The following VTI1A variants were observed in gnomAD, a reference collection of about 807,000 sequenced individuals.
VTI1A encodes vesicle transport through interaction with t-SNAREs homolog 1A.
VTI1A carries 22 observed loss-of-function variants against 34.9 expected under a neutral mutation model. The observed-to-expected ratio is 0.63, with a 90% CI of 0.45 to 0.90. The LOEUF (loss-of-function observed/expected upper bound fraction) is 0.90, where lower values mean the gene tolerates loss of function less well. Ranked by LOEUF, VTI1A falls within the 40% of genes least tolerant of loss-of-function variation. VTI1A has a pLI of 0.00. For missense variants in VTI1A, 268 were observed against 275.6 expected (o/e 0.97, Z 0.20); for synonymous variants, 87 against 97.3 (o/e 0.89, Z 0.62).
intron 5 of VTI1A, among the ~76,000 whole-genome samples, chr10:112,556,438 T>G (rs1479460190): frequency 6.6e-6 from 1 of 152,044 alleles, no homozygotes; most frequent in Non-Finnish European, 1.5e-5. Flanking sequence ...AGTATCAGTT[T>G]GGCCTTGTTA....
rs5787970 is a variant in VTI1A at position 112,705,928 on chromosome 10, G to GAA, written c.560+36939_560+36940dup. The stretch of plus-strand genomic sequence containing the variant: ...TTGGGCATGTCTACGATTGTCATTT[G>GAA]AAAAAAAAAATTCTTTTGTCGTTGT... On this transcript the variant is annotated intron_variant, in intron 7 of 7. Transcript: ENST00000393077. 7.3e-5 allele frequency among the ~76,000 whole-genome samples: 11 copies of GAA among 150,332 alleles called. No individual in the cohort carries two copies. The East Asian group carries it at 7.8e-4, about 11-fold the overall frequency.
rs1175362768 is a variant in VTI1A, at chr10:112,757,351, ATTTTTTTTTTTTTTTTTTT to A, written c.561-57925_561-57907del. ...CTTTCACCCTTTCTTTGTTGCTGTG[ATTTTTTTTTTTTTTTTTTT>A]TTTTTTTTTTTTTGGAGACATAGGC... is the stretch of plus-strand genomic sequence containing the variant. On this transcript the variant is annotated intron_variant, in intron 7 of 7. Coordinates refer to ENST00000393077, the MANE Select transcript of VTI1A (RefSeq NM_145206.4). 4.2e-4 allele frequency among the ~76,000 whole-genome samples: 17 copies of A among 40,696 alleles called. No individual in the cohort carries two copies. In the East Asian group the frequency reaches 0.012, roughly 28 times the overall value. The allele number at this position is 40,696 out of a possible 152,430, so 26.7% of individuals were successfully genotyped here.
chr10:112,589,814 A>G (rs1490540564), intron 5 of VTI1A, among the ~76,000 whole-genome samples: 1 of 152,196 alleles, frequency 6.6e-6, no homozygotes, highest in Non-Finnish European at 1.5e-5. Context: ...TGACATCAGA[A>G]TCTGAGTTCT....
At chr10:112,806,358 T>G (rs1395376420) in intron 7 of VTI1A, among the ~76,000 whole-genome samples, 1 of 152,120 alleles carries the variant, frequency 6.6e-6, no homozygotes, top group Non-Finnish European at 1.5e-5. Flanking sequence ...AGATCTTGGC[T>G]CACTGCAACT....
intron 7 of VTI1A, among the ~76,000 whole-genome samples, chr10:112,792,035 G>C (rs958198800): frequency 1.3e-5 from 2 of 152,164 alleles, no homozygotes; most frequent in Non-Finnish European, 2.9e-5. Context: ...CAGCACTTTG[G>C]AAGGCTGAGG....
intron 7 of VTI1A, among the ~76,000 whole-genome samples, chr10:112,682,911 C>G (rs927308500): frequency 6.6e-6 from 1 of 152,212 alleles, no homozygotes; most frequent in African/African-American, 2.4e-5. Flanking sequence ...CCTCAGATGG[C>G]TGGAGGGGGT....
At chr10:112,666,869 CTG>C (rs1417368746) in intron 5 of VTI1A, among the ~76,000 whole-genome samples, 1 of 152,050 alleles carries the variant, frequency 6.6e-6, no homozygotes, top group Non-Finnish European at 1.5e-5. Context: ...AATATTGTAA[CTG>C]AATTACCTTA....
chr10:112,783,560 A>T (rs1310002488), intron 7 of VTI1A, among the ~76,000 whole-genome samples: 1 of 152,234 alleles, frequency 6.6e-6, no homozygotes, highest in East Asian at 1.9e-4. Context: ...AAACAATAAA[A>T]ATTTATGCAT....
At chr10:112,764,941 T>G (rs1851596833) in intron 7 of VTI1A, among the ~76,000 whole-genome samples, 1 of 152,186 alleles carries the variant, frequency 6.6e-6, no homozygotes, top group South Asian at 2.1e-4. Context: ...AAGGGTGGCA[T>G]TGCTGGGTCA....
intron 7 of VTI1A, among the ~76,000 whole-genome samples, chr10:112,683,265 C>T (rs557911192): frequency 6.6e-6 from 1 of 152,316 alleles, no homozygotes; most frequent in African/African-American, 2.4e-5. Context: ...TCCCCAAACA[C>T]TGGGCTAAGT....
At chr10:112,502,142 C>A (rs1849265793) in intron 3 of VTI1A, among the ~76,000 whole-genome samples, 1 of 151,462 alleles carries the variant, frequency 6.6e-6, no homozygotes, top group Admixed American at 6.6e-5. Flanking sequence ...ATCCTCCCAC[C>A]TCGGCATTTT....
chr10:112,502,037 T>G (rs1010702895), intron 3 of VTI1A, among the ~76,000 whole-genome samples: 2 of 149,956 alleles, frequency 1.3e-5, no homozygotes, highest in African/African-American at 4.9e-5. Context: ...TTTTTTTTTT[T>G]TTTTTTTGGA....
chr10:112,731,254 T>C (rs1400275955), intron 7 of VTI1A, among the ~76,000 whole-genome samples: 11 of 152,114 alleles, frequency 7.2e-5, no homozygotes, highest in Admixed American at 6.5e-4. Flanking sequence ...GAAACCACCA[T>C]GTAGTTTTGC....
intron 5 of VTI1A, among the ~76,000 whole-genome samples, chr10:112,600,480 A>C (rs1218786207): frequency 6.6e-6 from 1 of 152,108 alleles, no homozygotes; most frequent in African/African-American, 2.4e-5. Context: ...CCCTTGCCCC[A>C]GGGTCTGTGT....
intron 3 of VTI1A, among the ~76,000 whole-genome samples, chr10:112,468,759 A>G (rs1328177983): frequency 6.6e-6 from 1 of 152,190 alleles, no homozygotes; most frequent in Admixed American, 6.5e-5. Context: ...TTTGTAGCCC[A>G]GACCTCTTGG....
At chr10:112,650,005 A>G (rs2133798577) in intron 5 of VTI1A, among the ~76,000 whole-genome samples, 1 of 152,316 alleles carries the variant, frequency 6.6e-6, no homozygotes, top group South Asian at 2.1e-4. Flanking sequence ...TAGACTATAT[A>G]AACACTGGAC....
chr10:112,543,593 G>A (rs920292483), intron 5 of VTI1A, among the ~76,000 whole-genome samples: 2 of 152,100 alleles, frequency 1.3e-5, no homozygotes, highest in African/African-American at 4.8e-5. Flanking sequence ...TTTGTCAGAT[G>A]GGTAGATTGC....
At chr10:112,674,989 A>C (rs1488180396) in intron 7 of VTI1A, among the ~76,000 whole-genome samples, 1 of 152,184 alleles carries the variant, frequency 6.6e-6, no homozygotes, top group Non-Finnish European at 1.5e-5. Context: ...GGTGGCAGTA[A>C]ATAATTTCCT....
chr10:112,511,990 A>G (rs1849627159), intron 3 of VTI1A, among the ~76,000 whole-genome samples: 1 of 152,256 alleles, frequency 6.6e-6, no homozygotes, highest in African/African-American at 2.4e-5. Flanking sequence ...GGTTGATGCC[A>G]TATCTTTGCT....
Sources: allele counts gnomAD v4.1 joint callset (sites outside exome capture counted in the v4.1 genomes callset), GRCh38; gene constraint gnomAD v4.1.1; transcripts MANE v1.5; gene names NCBI Gene and HGNC (gene_info 2026-07-23, HGNC 2026-07-21).